The following TSHZ2 variants were observed in gnomAD, a reference collection of about 807,000 sequenced individuals.
TSHZ2 encodes teashirt homolog 2.
In TSHZ2, 21 loss-of-function variants were observed where a neutral mutation model predicts 74.4. That is an observed-to-expected ratio of 0.28 (90% CI 0.20 to 0.41). The LOEUF (loss-of-function observed/expected upper bound fraction) is 0.41, where lower values mean the gene tolerates loss of function less well. Ranked by LOEUF, TSHZ2 falls within the 10% of genes least tolerant of loss-of-function variation. The pLI is 1.00. For synonymous variants in TSHZ2, 540 were observed against 515.3 expected (o/e 1.05, Z -0.65); for missense variants, 1,244 against 1,293.5 (o/e 0.96, Z 0.59).
At chr20:53,311,565 A>T (rs773450257) in intron 2 of TSHZ2, among the ~76,000 whole-genome samples, 6 of 152,212 alleles carry the variant, frequency 3.9e-5, no homozygotes, top group Non-Finnish European at 8.8e-5. Flanking sequence ...GTGGGCAGTG[A>T]ATTTTTGCAG....
chr20:53,220,754 G>A (rs1284558260), intron 1 of TSHZ2, among the ~76,000 whole-genome samples: 1 of 151,628 alleles, frequency 6.6e-6, no homozygotes, highest in Non-Finnish European at 1.5e-5. Flanking sequence ...GTGAATGAAG[G>A]ACTAAGAAAA....
chr20:53,111,116 A>G (rs1171561594), intron 1 of TSHZ2, among the ~76,000 whole-genome samples: 1 of 152,252 alleles, frequency 6.6e-6, no homozygotes, highest in Non-Finnish European at 1.5e-5. Context: ...AAGGTCAATC[A>G]GAGAAGTTCA....
rs2145867613 is a variant in TSHZ2, at chr20:53,489,077, A to G, written c.*1942A>G. On this transcript the variant is annotated 3_prime_UTR_variant, in exon 3 of 3. Transcript: ENST00000371497. ...GATGGCAGTCGAAATAGCTTCATTGAAGTGTCAGCACTCATCCATCAATCA... is the reference window on the plus strand; with the variant it reads ...GATGGCAGTCGAAATAGCTTCATTGGAGTGTCAGCACTCATCCATCAATCA... 2.2e-6 allele frequency: 1 copy of G among 456,276 alleles called. No individual in the cohort carries two copies. Among genetic ancestry groups the G allele is most frequent in the Non-Finnish European group, 4.4e-6 (1 of 226,950 alleles). 28.3% of individuals were successfully genotyped at this position (456,276 alleles called of 1,614,324 possible). A position where few individuals can be genotyped will look rare whatever the true frequency, so the allele number is the denominator to read the frequency against.
In TSHZ2 at chr20:53,316,335, A is replaced by G. The variant is rs185123831; in HGVS notation, c.*8+59764A>G. ...GGGAGCACAAAGATGAATAATAACAATAGGTTCACAGAAAAGATGAATTGA... is the reference window on the plus strand; with the variant it reads ...GGGAGCACAAAGATGAATAATAACAGTAGGTTCACAGAAAAGATGAATTGA... On this transcript the variant is annotated intron_variant, in intron 2 of 2. Coordinates refer to ENST00000371497, the MANE Select transcript of TSHZ2 (RefSeq NM_173485.6). Among the ~76,000 whole-genome samples, 1,016 of 152,292 alleles carry G rather than the reference A, an allele frequency of 6.7e-3. 5 individuals are homozygous for G. Among genetic ancestry groups the G allele is most frequent in the Non-Finnish European group, 0.012 (840 of 68,024 alleles).
At chr20:53,214,300 T>C (rs1989384261) in intron 1 of TSHZ2, among the ~76,000 whole-genome samples, 1 of 152,030 alleles carries the variant, frequency 6.6e-6, no homozygotes, top group South Asian at 2.1e-4. Flanking sequence ...ATTGAACAAA[T>C]AAGTATAAAA....
intron 1 of TSHZ2, among the ~76,000 whole-genome samples, chr20:53,017,664 A>T (rs1983089773): frequency 6.6e-6 from 1 of 152,198 alleles, no homozygotes; most frequent in African/African-American, 2.4e-5. Flanking sequence ...TCACATAAAC[A>T]ATCCATCAAA....
At chr20:53,440,587 C>T (rs1984272980) in intron 2 of TSHZ2, among the ~76,000 whole-genome samples, 2 of 152,190 alleles carry the variant, frequency 1.3e-5, no homozygotes, top group South Asian at 4.1e-4. Flanking sequence ...AGACAGGCCA[C>T]ATTCCTGATC....
chr20:53,453,949 A>G lies in TSHZ2; in HGVS notation c.*9-33195A>G, dbSNP rs1279050655. Among the ~76,000 whole-genome samples, 3 of 152,280 alleles carry G rather than the reference A, an allele frequency of 2.0e-5. No homozygotes were observed. In the East Asian group the frequency reaches 5.8e-4, roughly 29 times the overall value. On this transcript the variant is annotated intron_variant, in intron 2 of 2. Coordinates refer to ENST00000371497, the MANE Select transcript of TSHZ2 (RefSeq NM_173485.6). ...GCTCTGAACTCCTACTTGGGTCAAG[A>G]GCCTTTTTGAAAATATCATGAGAGC...
At chr20:53,165,276 A>C (rs1475945527) in intron 1 of TSHZ2, among the ~76,000 whole-genome samples, 1 of 152,226 alleles carries the variant, frequency 6.6e-6, no homozygotes, top group Non-Finnish European at 1.5e-5. Flanking sequence ...AAGTGTCACT[A>C]ATTTTTCCTG....
At chr20:53,455,912 A>G (rs1985054318) in intron 2 of TSHZ2, among the ~76,000 whole-genome samples, 1 of 151,550 alleles carries the variant, frequency 6.6e-6, no homozygotes, top group African/African-American at 2.4e-5. Context: ...ACGGCTGCAT[A>G]GTATTCCATG....
chr20:53,185,700 G>A, intron 1 of TSHZ2: 2 of 1,536,078 alleles, frequency 1.3e-6, no homozygotes, highest in Non-Finnish European at 1.7e-6. Flanking sequence ...CCCACTTGCT[G>A]CTAGAAAGTC....
chr20:53,316,230 C>G (rs766814708), intron 2 of TSHZ2, among the ~76,000 whole-genome samples: 9 of 152,216 alleles, frequency 5.9e-5, no homozygotes, highest in Non-Finnish European at 1.0e-4. Context: ...GGAAATCTCA[C>G]TCATCACTTG....
intron 1 of TSHZ2, among the ~76,000 whole-genome samples, chr20:53,243,438 G>A (rs113491330): frequency 6.6e-6 from 1 of 152,132 alleles, no homozygotes; most frequent in African/African-American, 2.4e-5. Flanking sequence ...TAAACTGAAA[G>A]TTCTCCCCAA....
chr20:53,424,008 A>G (rs1983574340), intron 2 of TSHZ2, among the ~76,000 whole-genome samples: 1 of 152,222 alleles, frequency 6.6e-6, no homozygotes, highest in South Asian at 2.1e-4. Context: ...CATCCAGCCC[A>G]AATGTCAATA....
At chr20:53,324,029 CA>C (rs1979392971) in intron 2 of TSHZ2, among the ~76,000 whole-genome samples, 1 of 152,176 alleles carries the variant, frequency 6.6e-6, no homozygotes, top group Admixed American at 6.5e-5. Flanking sequence ...CATCTGTACA[CA>C]GAGCTGCAGG....
intron 2 of TSHZ2, among the ~76,000 whole-genome samples, chr20:53,451,675 G>C (rs1205367093): frequency 2.6e-5 from 4 of 152,284 alleles, no homozygotes; most frequent in Middle Eastern, 3.4e-3. Flanking sequence ...CACACATGTA[G>C]ACTAGATTAG....
intron 1 of TSHZ2, among the ~76,000 whole-genome samples, chr20:53,041,791 AGTCTCCT>A (rs1568732571): frequency 5.3e-5 from 8 of 152,240 alleles, no homozygotes; most frequent in African/African-American, 1.9e-4. Context: ...CCATGCCACG[AGTCTCCT>A]GAAACTTGAA....
chr20:53,316,932 T>C (rs1446007287), intron 2 of TSHZ2, among the ~76,000 whole-genome samples: 1 of 152,188 alleles, frequency 6.6e-6, no homozygotes, highest in African/African-American at 2.4e-5. Flanking sequence ...AATAACACCC[T>C]GTTTCAATGA....
At chr20:53,177,366 C>A (rs571158899) in intron 1 of TSHZ2, among the ~76,000 whole-genome samples, 13 of 152,292 alleles carry the variant, frequency 8.5e-5, no homozygotes, top group African/African-American at 3.1e-4. Context: ...TAGTGGAGTG[C>A]ATCTCAAATT....
Sources: gnomAD v4.1 joint callset for allele counts (sites outside exome capture counted in the v4.1 genomes callset) on GRCh38, gnomAD v4.1.1 for gene constraint, MANE v1.5 for transcripts, NCBI Gene and HGNC (gene_info 2026-07-23, HGNC 2026-07-21) for gene names.